The following FBXL17 variants were observed in gnomAD, a reference collection of about 807,000 sequenced individuals.
FBXL17 encodes the protein F-box and leucine rich repeat protein 17, also known as F-box/LRR-repeat protein 17.
Under a neutral mutation model 66.2 loss-of-function variants are expected in FBXL17, and 22 were observed. That is an observed-to-expected ratio of 0.33 (90% CI 0.24 to 0.47). The LOEUF is 0.47. Among genes scored for constraint, FBXL17 ranks in the 20% least tolerant of loss-of-function variants. The pLI is 1.00. For missense variants in FBXL17, 878 were observed against 948.2 expected (o/e 0.93, Z 0.97); for synonymous variants, 474 against 400.5 (o/e 1.18, Z -2.19).
At chr5:107,927,809 T>C (rs188571815) in intron 7 of FBXL17, among the ~76,000 whole-genome samples, 1 of 152,230 alleles carries the variant, frequency 6.6e-6, no homozygotes. Context: ...TGCTGACTGG[T>C]ATTCTACATG....
At chr5:108,196,268 C>T (rs948633870) in intron 5 of FBXL17, among the ~76,000 whole-genome samples, 30 of 152,042 alleles carry the variant, frequency 2.0e-4, no homozygotes, top group Non-Finnish European at 1.0e-4. Flanking sequence ...TAGTGTCCCC[C>T]AGGCCATGTG....
At chr5:108,260,551 T>A (rs1459770544) in intron 4 of FBXL17, among the ~76,000 whole-genome samples, 1 of 151,932 alleles carries the variant, frequency 6.6e-6, no homozygotes, top group Non-Finnish European at 1.5e-5. Flanking sequence ...CCAGGCAACA[T>A]CGTATTACAA....
At chr5:108,130,744 T>C (rs1750900693) in intron 6 of FBXL17, among the ~76,000 whole-genome samples, 1 of 152,068 alleles carries the variant, frequency 6.6e-6, no homozygotes, top group African/African-American at 2.4e-5. Context: ...TCTAACTGCA[T>C]AAGATTTATG....
At chr5:108,017,840 C>T (rs1477588998) in intron 7 of FBXL17, among the ~76,000 whole-genome samples, 1 of 151,984 alleles carries the variant, frequency 6.6e-6, no homozygotes, top group East Asian at 1.9e-4. Context: ...TATCTATGTT[C>T]AGTTTGGGGA....
At chr5:108,244,309 C>G (rs1029159190) in intron 4 of FBXL17, among the ~76,000 whole-genome samples, 3 of 152,032 alleles carry the variant, frequency 2.0e-5, no homozygotes, top group South Asian at 2.1e-4. Flanking sequence ...TAATATTAAA[C>G]TTTTATTTAT....
chr5:108,183,797 C>T (rs918775362), intron 6 of FBXL17, among the ~76,000 whole-genome samples: 2 of 152,098 alleles, frequency 1.3e-5, no homozygotes, highest in Non-Finnish European at 2.9e-5. Flanking sequence ...AACGCCCACT[C>T]GTAAGTGAGA....
At chr5:108,317,729 T>C (rs1759436669) in intron 4 of FBXL17, among the ~76,000 whole-genome samples, 1 of 151,402 alleles carries the variant, frequency 6.6e-6, no homozygotes, top group African/African-American at 2.4e-5. Flanking sequence ...ATATTACAAA[T>C]ATTATCTTAA....
At chr5:107,944,922 C>G (rs930901277) in intron 7 of FBXL17, among the ~76,000 whole-genome samples, 1 of 151,912 alleles carries the variant, frequency 6.6e-6, no homozygotes, top group African/African-American at 2.4e-5. Flanking sequence ...AAGATAACTT[C>G]AACTACATTA....
Position 108,348,388 on chromosome 5 carries a change from C to T in FBXL17, c.1506+11G>A. 6.2e-7 allele frequency: 1 copy of T among 1,608,920 alleles called. No individual in the cohort carries two copies. On this transcript the variant is annotated intron_variant, in intron 4 of 8. Coordinates refer to ENST00000542267, the MANE Select transcript of FBXL17 (RefSeq NM_001163315.3). ...AAAATGAACAATACAAGGATGATAA[C>T]AAGTACTTACTAATTTGTTTTCCTG...
At chr5:107,872,954 C>T (rs1748506102) in intron 8 of FBXL17, among the ~76,000 whole-genome samples, 1 of 152,160 alleles carries the variant, frequency 6.6e-6, no homozygotes, top group Non-Finnish European at 1.5e-5. Flanking sequence ...CATATGGATG[C>T]TGCTGCCAAG....
chr5:108,317,191 C>T (rs1024298985), intron 4 of FBXL17, among the ~76,000 whole-genome samples: 4 of 151,172 alleles, frequency 2.6e-5, no homozygotes, highest in African/African-American at 7.3e-5. Context: ...GTTAACAAAT[C>T]GGTTCCCCCA....
Position 108,051,164 on chromosome 5 carries a change from G to A in FBXL17, c.1746-30163C>T, listed in dbSNP as rs146862162. 7.3e-3 allele frequency among the ~76,000 whole-genome samples: 1,104 copies of A among 152,254 alleles called. 7 individuals are homozygous for A. Among genetic ancestry groups the A allele is most frequent in the Non-Finnish European group, 0.011 (716 of 68,026 alleles). On this transcript the variant is annotated intron_variant, in intron 6 of 8. Coordinates refer to ENST00000542267, the MANE Select transcript of FBXL17 (RefSeq NM_001163315.3). ...CCCAATTCTACCAGAGGTACAAAGAGGAGCTGGTACTATCCCTTCTGAAAC... is the reference window on the plus strand; with the variant it reads ...CCCAATTCTACCAGAGGTACAAAGAAGAGCTGGTACTATCCCTTCTGAAAC...
At chr5:108,103,719 T>C (rs1749685684) in intron 6 of FBXL17, among the ~76,000 whole-genome samples, 1 of 152,232 alleles carries the variant, frequency 6.6e-6, no homozygotes, top group South Asian at 2.1e-4. Flanking sequence ...AGCTTATCTT[T>C]TTCCTTGATG....
At chr5:108,183,403 A>G (rs1753090174) in intron 6 of FBXL17, among the ~76,000 whole-genome samples, 1 of 152,224 alleles carries the variant, frequency 6.6e-6, no homozygotes, top group Admixed American at 6.5e-5. Context: ...AACTAATGTT[A>G]GATATTTAAA....
intron 7 of FBXL17, among the ~76,000 whole-genome samples, chr5:107,902,201 T>C (rs1336594808): frequency 1.3e-5 from 2 of 152,156 alleles, no homozygotes; most frequent in African/African-American, 2.4e-5. Flanking sequence ...TCTTCCCTTG[T>C]TTTCATAGCT....
intron 6 of FBXL17, among the ~76,000 whole-genome samples, chr5:108,076,009 G>C (rs1423914645): frequency 6.6e-6 from 1 of 152,102 alleles, no homozygotes; most frequent in Non-Finnish European, 1.5e-5. Context: ...AGTAATCTTT[G>C]GTAAATAAAG....
intron 7 of FBXL17, among the ~76,000 whole-genome samples, chr5:107,935,761 A>G (rs192430721): frequency 1.3e-5 from 2 of 152,140 alleles, no homozygotes; most frequent in African/African-American, 4.8e-5. Flanking sequence ...AAATGCCAGC[A>G]CCAGCTTGTC....
chr5:108,140,769 G>A (rs1245202836), intron 6 of FBXL17, among the ~76,000 whole-genome samples: 1 of 151,712 alleles, frequency 6.6e-6, no homozygotes, highest in Admixed American at 6.5e-5. Flanking sequence ...CCCAAAATTC[G>A]AGATGATTGC....
intron 7 of FBXL17, among the ~76,000 whole-genome samples, chr5:108,002,834 C>A (rs908029249): frequency 2.6e-5 from 4 of 152,072 alleles, no homozygotes; most frequent in Non-Finnish European, 5.9e-5. Flanking sequence ...TTGTTTGATT[C>A]CCTTTATACA....
Sources: gnomAD v4.1 joint callset for allele counts (sites outside exome capture counted in the v4.1 genomes callset) on GRCh38, gnomAD v4.1.1 for gene constraint, MANE v1.5 for transcripts, NCBI Gene and HGNC (gene_info 2026-07-23, HGNC 2026-07-21) for gene names.